Variants in PARD3 observed in about 807,000 individuals in gnomAD.
The protein encoded by PARD3 is partitioning defective 3 homolog.
Under a neutral mutation model 155.4 loss-of-function variants are expected in PARD3, and 75 were observed. The observed-to-expected ratio is 0.48, with a 90% CI of 0.40 to 0.58. The LOEUF (loss-of-function observed/expected upper bound fraction) is 0.58. Ranked by LOEUF, PARD3 falls within the 20% of genes least tolerant of loss-of-function variation. The pLI is 0.00. For synonymous variants in PARD3, 576 were observed against 610.5 expected (o/e 0.94, Z 0.83); for missense variants, 1,642 against 1,721.7 (o/e 0.95, Z 0.82).
intron 22 of PARD3, among the ~76,000 whole-genome samples, chr10:34,234,559 C>A (rs1170562253): frequency 2.0e-5 from 3 of 152,204 alleles, no homozygotes; most frequent in Non-Finnish European, 4.4e-5. Context: ...CCTCCCTTCT[C>A]TGCATGAATG....
intron 2 of PARD3, among the ~76,000 whole-genome samples, chr10:34,555,937 A>C (rs1408575543): frequency 6.6e-6 from 1 of 152,216 alleles, no homozygotes; most frequent in Non-Finnish European, 1.5e-5. Context: ...AGTGGAACCA[A>C]CTAGATTATC....
At chr10:34,444,863 C>G (rs929005414) in intron 5 of PARD3, among the ~76,000 whole-genome samples, 3 of 152,176 alleles carry the variant, frequency 2.0e-5, no homozygotes, top group Non-Finnish European at 4.4e-5. Context: ...CTTATTCCCA[C>G]TGGAAAAGCT....
rs1837333245 is a variant in PARD3 at position 34,345,614 on chromosome 10, C to T, written c.2218+2351G>A. On this transcript the variant is annotated intron_variant, in intron 15 of 24. Coordinates refer to ENST00000374788, the MANE Select transcript of PARD3 (RefSeq NM_001184785.2). ...TAAACACTGTTGTTATTGGTTTAGG[C>T]GAATGGAAATCCAAAGTCCTAATGT... is the stretch of plus-strand genomic sequence containing the variant. 6.1e-6 allele frequency: 6 copies of T among 985,048 alleles called. No homozygotes were observed. The South Asian group carries it at 2.3e-4, about 39-fold the overall frequency. The allele number at this position is 985,048 out of a possible 1,614,324, so 61.0% of individuals were successfully genotyped here.
intron 2 of PARD3, among the ~76,000 whole-genome samples, chr10:34,692,782 G>C (rs1306956355): frequency 6.6e-6 from 1 of 152,224 alleles, no homozygotes; most frequent in Non-Finnish European, 1.5e-5. Flanking sequence ...GCTGAGGCCA[G>C]AGAATCGCTT....
At chr10:34,745,961 G>C (rs545417946) in intron 1 of PARD3, among the ~76,000 whole-genome samples, 1 of 152,204 alleles carries the variant, frequency 6.6e-6, no homozygotes, top group East Asian at 1.9e-4. Flanking sequence ...AATTAGCCGG[G>C]CATGGTGGCG....
intron 22 of PARD3, among the ~76,000 whole-genome samples, chr10:34,261,693 AAAGAAAGGAAGAAAGGAAGG>A (rs1433477279): frequency 3.4e-5 from 4 of 116,210 alleles, no homozygotes; most frequent in Admixed American, 7.9e-5. Context: ...TGTCTCAAAG[AAAGAAAGGAAGAAAGGAAGG>A]AAGAAAGGAA....
At chr10:34,732,171 A>C (rs2094830096) in intron 1 of PARD3, among the ~76,000 whole-genome samples, 1 of 152,182 alleles carries the variant, frequency 6.6e-6, no homozygotes, top group Non-Finnish European at 1.5e-5. Context: ...ATTGAAAGGT[A>C]AGAAAAAAAA....
At chr10:34,327,494 T>C (rs1027388687) in intron 19 of PARD3, among the ~76,000 whole-genome samples, 1 of 152,170 alleles carries the variant, frequency 6.6e-6, no homozygotes, top group Non-Finnish European at 1.5e-5. Flanking sequence ...GCCATGAATA[T>C]AGTCACTGGG....
At chr10:34,161,671 G>A (rs1195251832) in intron 22 of PARD3, among the ~76,000 whole-genome samples, 1 of 152,086 alleles carries the variant, frequency 6.6e-6, no homozygotes, top group African/African-American at 2.4e-5. Context: ...AAACATAAAA[G>A]AACAAAAAGG....
intron 2 of PARD3, among the ~76,000 whole-genome samples, chr10:34,599,282 G>A (rs1177202064): frequency 6.6e-6 from 1 of 152,112 alleles, no homozygotes; most frequent in Non-Finnish European, 1.5e-5. Context: ...AGACACATGA[G>A]GGTTAAACAA....
chr10:34,545,215 C>G (rs574652208), intron 2 of PARD3, among the ~76,000 whole-genome samples: 3 of 152,204 alleles, frequency 2.0e-5, no homozygotes, highest in Non-Finnish European at 2.9e-5. Context: ...TCTTTGCAAC[C>G]TGATCACCTG....
chr10:34,241,204 T>C lies in PARD3; in HGVS notation c.3419+28453A>G, dbSNP rs142410379. On this transcript the variant is annotated intron_variant, in intron 22 of 24. Coordinates refer to ENST00000374788, the MANE Select transcript of PARD3 (RefSeq NM_001184785.2). ...TTTAGACAGGACATCAGGTAGACCA[T>C]GCTAAAGAGGAAACTCTGAGCTGAG... Among the ~76,000 whole-genome samples, 6 of 152,258 alleles carry C rather than the reference T, an allele frequency of 3.9e-5. No homozygotes were observed. The East Asian group carries it at 9.7e-4, about 25-fold the overall frequency.
intron 2 of PARD3, among the ~76,000 whole-genome samples, chr10:34,616,094 G>C (rs531465599): frequency 2.6e-5 from 4 of 152,068 alleles, no homozygotes; most frequent in Admixed American, 2.6e-4. Flanking sequence ...AGAGGCGGGT[G>C]GATCACCTGA....
At chr10:34,711,851 T>C (rs762720545) in intron 1 of PARD3, among the ~76,000 whole-genome samples, 29 of 152,168 alleles carry the variant, frequency 1.9e-4, no homozygotes, top group Non-Finnish European at 4.0e-4. Flanking sequence ...ATTCACCCTT[T>C]ATCCTGTCCC....
At chr10:34,126,286 G>T (rs1947286495) in intron 23 of PARD3, among the ~76,000 whole-genome samples, 2 of 152,202 alleles carry the variant, frequency 1.3e-5, no homozygotes, top group Non-Finnish European at 2.9e-5. Context: ...GGTGCATTCT[G>T]TACTGCTAGA....
intron 2 of PARD3, among the ~76,000 whole-genome samples, chr10:34,662,871 G>GGAAAAAAAAAAAAA (rs2093357759): frequency 1.6e-5 from 2 of 123,632 alleles, no homozygotes; most frequent in African/African-American, 6.1e-5. Context: ...AACTGTCTCA[G>GGAAAAAAAAAAAAA]AAAAAAAAAA....
At chr10:34,691,903 T>C (rs982723153) in intron 2 of PARD3, among the ~76,000 whole-genome samples, 2 of 152,172 alleles carry the variant, frequency 1.3e-5, no homozygotes, top group East Asian at 1.9e-4. Flanking sequence ...ATGCTGAATA[T>C]TGACACTGGA....
chr10:34,243,950 G>C (rs1953777142), intron 22 of PARD3, among the ~76,000 whole-genome samples: 1 of 152,140 alleles, frequency 6.6e-6, no homozygotes, highest in Admixed American at 6.6e-5. Context: ...CTACAAGATA[G>C]TGACTATAAT....
chr10:34,464,106 C>T (rs1291990194), intron 4 of PARD3, among the ~76,000 whole-genome samples: 1 of 135,654 alleles, frequency 7.4e-6, no homozygotes, highest in Non-Finnish European at 1.6e-5. Context: ...CAGCTAGACC[C>T]GAGGTCCTGC....
Sources: gnomAD v4.1 joint callset for allele counts (sites outside exome capture counted in the v4.1 genomes callset) on GRCh38, gnomAD v4.1.1 for gene constraint, MANE v1.5 for transcripts, NCBI Gene and HGNC (gene_info 2026-07-23, HGNC 2026-07-21) for gene names.